Variants in FAR2 observed in about 807,000 individuals in gnomAD.
FAR2 encodes fatty acyl-CoA reductase 2.
A neutral mutation model predicts 56.0 loss-of-function variants in FAR2; 19 were observed. The ratio of observed to expected loss-of-function variants is 0.34; its 90% CI spans 0.24 to 0.50. The LOEUF is 0.50. FAR2 is among the 20% of genes least tolerant of loss of function. The pLI is 0.98. For synonymous variants in FAR2, 219 were observed against 218.8 expected (o/e 1.00, Z -0.01); for missense variants, 508 against 642.2 (o/e 0.79, Z 2.26).
intron 1 of FAR2, among the ~76,000 whole-genome samples, chr12:29,268,234 G>A (rs1948551539): frequency 6.6e-6 from 1 of 152,158 alleles, no homozygotes; most frequent in Non-Finnish European, 1.5e-5. Flanking sequence ...CCCTGGAGCT[G>A]TTCTGCAGGA....
In FAR2 at chr12:29,242,276, A is replaced by C. The variant is rs116052300; in HGVS notation, c.-38-28136A>C. 6.7e-3 allele frequency among the ~76,000 whole-genome samples: 1,015 copies of C among 152,256 alleles called. 11 individuals are homozygous for C. Among genetic ancestry groups the C allele is most frequent in the African/African-American group, 0.022 (925 of 41,546 alleles). ...TCTTTAAAAAAATTATTGTTAATCC[A>C]CTTCTCTTTTTGACCTCTGAACAGC... On this transcript the variant is annotated intron_variant, in intron 1 of 11. Transcript: ENST00000536681.
At chr12:29,331,873 A>G (rs1949736399) in intron 10 of FAR2, 1 of 152,158 alleles carries the variant, frequency 6.6e-6, no homozygotes, top group African/African-American at 2.4e-5. Context: ...CAAAAAAAGA[A>G]TACATTTTTG....
chr12:29,225,227 C>A (rs1170054038), intron 1 of FAR2, among the ~76,000 whole-genome samples: 3 of 152,028 alleles, frequency 2.0e-5, no homozygotes, highest in South Asian at 2.1e-4. Context: ...CAGAGTGAGA[C>A]CCTGTCTCAA....
intron 1 of FAR2, among the ~76,000 whole-genome samples, chr12:29,234,821 A>C (rs563235940): frequency 1.3e-5 from 2 of 152,314 alleles, no homozygotes; most frequent in African/African-American, 4.8e-5. Context: ...AAACCATTTC[A>C]TGATTCTGCC....
At chr12:29,178,771 C>A (rs2136595113) in intron 1 of FAR2, among the ~76,000 whole-genome samples, 1 of 152,318 alleles carries the variant, frequency 6.6e-6, no homozygotes, top group East Asian at 1.9e-4. Context: ...CCTTTGCTGA[C>A]AATATATGGC....
intron 1 of FAR2, among the ~76,000 whole-genome samples, chr12:29,180,571 T>A (rs542675212): frequency 6.6e-6 from 1 of 152,276 alleles, no homozygotes; most frequent in Non-Finnish European, 1.5e-5. Flanking sequence ...TCCAGACACA[T>A]ATTTACATTT....
At chr12:29,333,433 A>G (rs1471355321) in intron 11 of FAR2, 199 bp from the exon 12 acceptor site, 3 of 531,272 alleles carry the variant, frequency 5.6e-6, no homozygotes, top group Non-Finnish European at 1.0e-5. Flanking sequence ...AATTAGGGAA[A>G]TATGGTAGAA....
intron 1 of FAR2, among the ~76,000 whole-genome samples, chr12:29,248,701 T>C (rs911887934): frequency 3.3e-5 from 5 of 152,202 alleles, no homozygotes; most frequent in Non-Finnish European, 2.9e-5. Flanking sequence ...CTAATAAGCC[T>C]GGGAGCACTA....
intron 1 of FAR2, among the ~76,000 whole-genome samples, chr12:29,232,517 C>A (rs1947874446): frequency 6.6e-6 from 1 of 152,046 alleles, no homozygotes; most frequent in South Asian, 2.1e-4. Flanking sequence ...ATTGACTATC[C>A]ATTAGGACAC....
In FAR2 at chr12:29,213,674, A is replaced by G. The variant is rs1947584315; in HGVS notation, c.-38-56738A>G. On this transcript the variant is annotated intron_variant, in intron 1 of 11. Coordinates refer to ENST00000536681, the MANE Select transcript of FAR2 (RefSeq NM_001271783.2). ...CACTGCACTCCAGCCTGGGTGACAGAAGGAGACTCTGTCTCAAAAAAAAAA... is the reference window on the plus strand; with the variant it reads ...CACTGCACTCCAGCCTGGGTGACAGGAGGAGACTCTGTCTCAAAAAAAAAA... Among the ~76,000 whole-genome samples the G allele has an allele frequency of 2.1e-5, 3 of 141,692 alleles. No homozygotes were observed. The Admixed American group carries it at 2.2e-4, about 10-fold the overall frequency. 93.0% of individuals were successfully genotyped at this position (141,692 alleles called of 152,430 possible). A position where few individuals can be genotyped will look rare whatever the true frequency, so the allele number is the denominator to read the frequency against.
chr12:29,170,197 A>C (rs912605189), intron 1 of FAR2, among the ~76,000 whole-genome samples: 2 of 152,238 alleles, frequency 1.3e-5, no homozygotes, highest in Non-Finnish European at 2.9e-5. Flanking sequence ...CTGCTTCTGC[A>C]AGAGTTTCCT....
chr12:29,237,291 C>A (rs1041797263), intron 1 of FAR2, among the ~76,000 whole-genome samples: 10 of 152,110 alleles, frequency 6.6e-5, no homozygotes, highest in Admixed American at 1.3e-4. Context: ...CATAAAAATA[C>A]CAAGATGTTA....
At chr12:29,302,976 T>C (rs1357515420) in intron 4 of FAR2, among the ~76,000 whole-genome samples, 1 of 152,210 alleles carries the variant, frequency 6.6e-6, no homozygotes, top group Non-Finnish European at 1.5e-5. Context: ...CATGCATACT[T>C]GTCATGTTTT....
chr12:29,153,038 C>T (rs556969054), intron 1 of FAR2, among the ~76,000 whole-genome samples: 1 of 152,312 alleles, frequency 6.6e-6, no homozygotes, highest in South Asian at 2.1e-4. Context: ...CAGAAATTCC[C>T]TCTAGCTAGC....
intron 1 of FAR2, among the ~76,000 whole-genome samples, chr12:29,262,563 G>A (rs1948438662): frequency 6.6e-6 from 1 of 152,164 alleles, no homozygotes; most frequent in Non-Finnish European, 1.5e-5. Flanking sequence ...CCGGGAAGCA[G>A]AGGTTGTGGT....
chr12:29,333,714 C>G lies in FAR2; in HGVS notation c.1468C>G (p.Arg490Gly), dbSNP rs767224864. 28 of 1,613,572 alleles carry G rather than the reference C, an allele frequency of 1.7e-5. No individual in the cohort carries two copies. Among genetic ancestry groups the G allele is most frequent in the East Asian group, 2.2e-5 (1 of 44,870 alleles). ...TCTCATTGCAAGATCTCAGATGGCTCGGAATGTCTGGTTCTTCATTGTAAG... is the reference window on the plus strand; with the variant it reads ...TCTCATTGCAAGATCTCAGATGGCTGGGAATGTCTGGTTCTTCATTGTAAG... ...RLLIARSQMA[R>G]NVWFFIVSFC... Residue 490 changes from arginine to glycine, a missense_variant, in exon 12 of 12, where the codon CGG becomes GGG. Transcript: ENST00000536681.
chr12:29,299,050 C>CTT (rs1949115656), intron 4 of FAR2, among the ~76,000 whole-genome samples: 1 of 151,726 alleles, frequency 6.6e-6, no homozygotes, highest in Non-Finnish European at 1.5e-5. Flanking sequence ...CCTGTCTCTA[C>CTT]TAAATACAAA....
At chr12:29,174,423 CTTTTTTTTTTTTTTTT>C (rs55827253) in intron 1 of FAR2, among the ~76,000 whole-genome samples, 1 of 55,422 alleles carries the variant, frequency 1.8e-5, no homozygotes, top group Admixed American at 3.3e-4. Context: ...GGTTTTTATT[CTTTTTTTTTTTTTTTT>C]TTTTTTTTTT....
At chr12:29,286,707 T>C (rs1314067011) in intron 2 of FAR2, among the ~76,000 whole-genome samples, 1 of 152,238 alleles carries the variant, frequency 6.6e-6, no homozygotes, top group Non-Finnish European at 1.5e-5. Context: ...TAGAATATTA[T>C]GTAAAGTGAA....
Sources: allele counts gnomAD v4.1 joint callset (sites outside exome capture counted in the v4.1 genomes callset), GRCh38; gene constraint gnomAD v4.1.1; transcripts MANE v1.5; gene names NCBI Gene and HGNC (gene_info 2026-07-23, HGNC 2026-07-21).